The following KPNA4 variants were observed in gnomAD, a reference collection of about 807,000 sequenced individuals.
KPNA4 encodes karyopherin subunit alpha 4.
KPNA4 carries 13 observed loss-of-function variants against 71.3 expected under a neutral mutation model. The observed-to-expected ratio is 0.18, with a 90% CI of 0.12 to 0.29. The LOEUF (loss-of-function observed/expected upper bound fraction) is 0.29. Ranked by LOEUF, KPNA4 falls within the 10% of genes least tolerant of loss-of-function variation. The probability of loss-of-function intolerance (pLI) is 1.00; values close to 1 mark genes in which losing one functional copy is unlikely to be tolerated. For missense variants in KPNA4, 334 were observed against 603.2 expected (o/e 0.55, Z 4.67); for synonymous variants, 189 against 195.2 (o/e 0.97, Z 0.26).
intron 1 of KPNA4, among the ~76,000 whole-genome samples, chr3:160,539,103 C>T (rs879635932): frequency 6.6e-6 from 1 of 152,160 alleles, no homozygotes; most frequent in Non-Finnish European, 1.5e-5. Context: ...CTGCAGTGCT[C>T]AGTTCCTTAC....
intron 7 of KPNA4, 131 bp downstream of exon 7, chr3:160,530,724 A>C: frequency 1.6e-6 from 1 of 611,386 alleles, no homozygotes; most frequent in Non-Finnish European, 2.9e-6. Flanking sequence ...ACTTAAGTTG[A>C]CCTATTTCAA....
chr3:160,553,074 T>A (rs1417621772), intron 1 of KPNA4, among the ~76,000 whole-genome samples: 2 of 152,184 alleles, frequency 1.3e-5, no homozygotes, highest in African/African-American at 2.4e-5. Context: ...ACTCTGGAGA[T>A]GAGACAATAA....
Position 160,497,657 on chromosome 3 carries a change from TA to T in KPNA4, c.*4446del, listed in dbSNP as rs1250782442. 6.6e-6 allele frequency: 1 copy of T among 152,192 alleles called. No individual in the cohort carries two copies. Among genetic ancestry groups the T allele is most frequent in the Non-Finnish European group, 1.5e-5 (1 of 68,024 alleles). 9.4% of individuals were successfully genotyped at this position (152,192 alleles called of 1,614,324 possible). ...GCAAAATTTTTTCCTCCCATAATATTAAATTATTGGCTGACAGTTAATGAAT... is the reference window on the plus strand; with the variant it reads ...GCAAAATTTTTTCCTCCCATAATATTAATTATTGGCTGACAGTTAATGAAT... On this transcript the variant is annotated 3_prime_UTR_variant, in exon 17 of 17. Coordinates refer to ENST00000334256, the MANE Select transcript of KPNA4 (RefSeq NM_002268.5).
intron 1 of KPNA4, among the ~76,000 whole-genome samples, chr3:160,552,514 T>C (rs1722060574): frequency 1.3e-5 from 2 of 152,150 alleles, no homozygotes; most frequent in Admixed American, 1.3e-4. Flanking sequence ...AATATAGTGG[T>C]GTACAAAATA....
intron 1 of KPNA4, 146 bp downstream of exon 1, chr3:160,565,068 A>G (rs1237667258): frequency 1.6e-6 from 1 of 643,350 alleles, no homozygotes; most frequent in Non-Finnish European, 2.7e-6. Context: ...GCGCGCTAGC[A>G]GAGGCGTCAC....
intron 1 of KPNA4, among the ~76,000 whole-genome samples, chr3:160,547,144 TACAA>T (rs980527466): frequency 4.6e-5 from 7 of 152,344 alleles, no homozygotes; most frequent in Middle Eastern, 3.4e-3. Context: ...ATGTCAAATA[TACAA>T]ACAAATTTCA....
chr3:160,528,417 G>A (rs553980781), intron 7 of KPNA4, among the ~76,000 whole-genome samples: 3 of 152,118 alleles, frequency 2.0e-5, no homozygotes, highest in Admixed American at 1.3e-4. Flanking sequence ...CCAGGCTGGA[G>A]GGAAGCGGTG....
At chr3:160,506,000 C>CAA (rs1720975454) in intron 15 of KPNA4, among the ~76,000 whole-genome samples, 1 of 152,118 alleles carries the variant, frequency 6.6e-6, no homozygotes, top group South Asian at 2.1e-4. Flanking sequence ...TGATAATCAA[C>CAA]AATAGCTTGA....
chr3:160,535,040 C>T (rs942097712), intron 5 of KPNA4, among the ~76,000 whole-genome samples: 1 of 152,046 alleles, frequency 6.6e-6, no homozygotes, highest in East Asian at 1.9e-4. Context: ...TCTTAATCTA[C>T]ATCTACTTGT....
chr3:160,505,731 T>C (rs754705334), intron 15 of KPNA4, among the ~76,000 whole-genome samples: 5 of 152,274 alleles, frequency 3.3e-5, no homozygotes, highest in Non-Finnish European at 5.9e-5. Flanking sequence ...ATGGAGAAAG[T>C]TATCTTAGGC....
intron 13 of KPNA4, 125 bp from the exon 14 acceptor site, chr3:160,509,996 CAT>C: frequency 1.5e-6 from 1 of 674,846 alleles, no homozygotes; most frequent in Non-Finnish European, 2.6e-6. Flanking sequence ...CTGTATATAT[CAT>C]TTTTTCTTAT....
At chr3:160,514,961 A>G (rs1268322713) in intron 12 of KPNA4, 2 of 519,058 alleles carry the variant, frequency 3.9e-6, no homozygotes, top group Non-Finnish European at 7.7e-6. Flanking sequence ...TTAGGGTGCC[A>G]GGCTAGTTAG....
chr3:160,497,666 G>A lies in KPNA4; in HGVS notation c.*4438C>T, dbSNP rs559739987. The stretch of plus-strand genomic sequence containing the variant: ...TTTCCTCCCATAATATTAAATTATT[G>A]GCTGACAGTTAATGAATTTTGCCAA... On this transcript the variant is annotated 3_prime_UTR_variant, in exon 17 of 17. Transcript: ENST00000334256. 5.7e-4 allele frequency: 86 copies of A among 152,144 alleles called. No individual in the cohort carries two copies. Among genetic ancestry groups the A allele is most frequent in the African/African-American group, 2.0e-3 (84 of 41,508 alleles). 9.4% of individuals were successfully genotyped at this position (152,144 alleles called of 1,614,324 possible).
intron 11 of KPNA4, among the ~76,000 whole-genome samples, chr3:160,519,512 C>T (rs1471399612): frequency 6.6e-6 from 1 of 152,016 alleles, no homozygotes; most frequent in Admixed American, 6.6e-5. Flanking sequence ...AAAAAATAGG[C>T]GGCCGGGCGC....
rs1490506836 is a variant in KPNA4, at chr3:160,500,710, A to G, written c.*1394T>C. The G allele has an allele frequency of 1.3e-5, 2 of 152,640 alleles. No individual in the cohort carries two copies. The highest frequency in any genetic ancestry group is 2.9e-5 in the Non-Finnish European group (2 of 68,024). The allele number at this position is 152,640 out of a possible 1,614,324, so 9.5% of individuals were successfully genotyped here. ...GGCTGCCTACATCTAAGATAAAAAGATTCTAAAACAATTGAACAGATTAGG... is the reference window on the plus strand; with the variant it reads ...GGCTGCCTACATCTAAGATAAAAAGGTTCTAAAACAATTGAACAGATTAGG... On this transcript the variant is annotated 3_prime_UTR_variant, in exon 17 of 17. Transcript: ENST00000334256.
intron 1 of KPNA4, among the ~76,000 whole-genome samples, chr3:160,550,041 A>G (rs910180892): frequency 6.6e-6 from 1 of 152,198 alleles, no homozygotes; most frequent in African/African-American, 2.4e-5. Context: ...CTGTTAGTGT[A>G]TAGAAACAGC....
intron 11 of KPNA4, among the ~76,000 whole-genome samples, chr3:160,520,273 G>C (rs916422209): frequency 6.6e-6 from 1 of 150,760 alleles, no homozygotes; most frequent in Non-Finnish European, 1.5e-5. Context: ...TTTTTATTGA[G>C]ATGGAGTCTT....
chr3:160,530,134 C>CAAAAAAAAAA (rs746257397), intron 7 of KPNA4, among the ~76,000 whole-genome samples: 1 of 38,530 alleles, frequency 2.6e-5, no homozygotes, highest in Non-Finnish European at 6.0e-5. Flanking sequence ...GACTCCATCT[C>CAAAAAAAAAA]AAAAAAAAAA....
intron 1 of KPNA4, among the ~76,000 whole-genome samples, chr3:160,554,300 ACTAT>A (rs1354237714): frequency 9.9e-5 from 15 of 152,212 alleles, no homozygotes; most frequent in African/African-American, 2.9e-4. Flanking sequence ...ATTGAACACC[ACTAT>A]CTAACTCCAG....
Sources: allele counts gnomAD v4.1 joint callset (sites outside exome capture counted in the v4.1 genomes callset), GRCh38; gene constraint gnomAD v4.1.1; transcripts MANE v1.5; gene names NCBI Gene and HGNC (gene_info 2026-07-23, HGNC 2026-07-21).